The following IL6R variants were observed in gnomAD, a reference collection of about 807,000 sequenced individuals.
IL6R encodes the protein interleukin 6 receptor, also known as interleukin-6 receptor subunit alpha.
A neutral mutation model predicts 48.3 loss-of-function variants in IL6R; 38 were observed. The observed-to-expected ratio is 0.79, with a 90% CI of 0.61 to 1.03. The LOEUF is 1.03. Among genes scored for constraint, IL6R ranks in the 50% least tolerant of loss-of-function variants. The probability of loss-of-function intolerance (pLI) is 0.00; values close to 1 mark genes in which losing one functional copy is unlikely to be tolerated. For synonymous variants in IL6R, 264 were observed against 256.2 expected (o/e 1.03, Z -0.29); for missense variants, 534 against 618.3 (o/e 0.86, Z 1.45).
intron 6 of IL6R, among the ~76,000 whole-genome samples, chr1:154,447,496 C>T (rs1263150147): frequency 4.3e-5 from 3 of 69,024 alleles, no homozygotes; most frequent in South Asian, 3.3e-4. Flanking sequence ...CACACACACA[C>T]ACACACATAT....
chr1:154,450,198 T>A (rs1464691392), intron 8 of IL6R, among the ~76,000 whole-genome samples: 1 of 151,356 alleles, frequency 6.6e-6, no homozygotes, highest in Non-Finnish European at 1.5e-5. Flanking sequence ...TGATCTCGGC[T>A]CACCACAACC....
intron 8 of IL6R, among the ~76,000 whole-genome samples, chr1:154,450,491 C>T (rs1055806290): frequency 1.3e-5 from 2 of 151,908 alleles, no homozygotes; most frequent in African/African-American, 2.4e-5. Context: ...ATGAGGAGAC[C>T]GTAAGAAAAG....
chr1:154,418,809 G>A (rs754289011), intron 1 of IL6R, among the ~76,000 whole-genome samples: 3 of 152,178 alleles, frequency 2.0e-5, no homozygotes, highest in Non-Finnish European at 2.9e-5. Flanking sequence ...GGGAGAGAAA[G>A]GCCAAGGGCA....
At chr1:154,435,814 A>T (rs563252642) in intron 5 of IL6R, among the ~76,000 whole-genome samples, 155 bp from the exon 6 acceptor site, 1 of 152,202 alleles carries the variant, frequency 6.6e-6, no homozygotes, top group East Asian at 1.9e-4. Context: ...CCTGAGGGCA[A>T]CCCCCTCTCT....
chr1:154,425,727 T>C (rs975676338), intron 1 of IL6R, among the ~76,000 whole-genome samples: 3 of 151,650 alleles, frequency 2.0e-5, no homozygotes, highest in East Asian at 1.9e-4. Flanking sequence ...TGAACCATGA[T>C]TGTGCCACTG....
Position 154,414,827 on chromosome 1 carries a change from G to A in IL6R, c.85+9113G>A. 3 of 751,894 alleles carry A rather than the reference G, an allele frequency of 4.0e-6. No individual in the cohort carries two copies. In the South Asian group the frequency reaches 4.3e-5, roughly 11 times the overall value. The allele number at this position is 751,894 out of a possible 1,614,324, so 46.6% of individuals were successfully genotyped here. Reference sequence around the variant, plus strand: ...ACCCGCTTCTGGGACAGCAGGAAGAGGAGATTGAGGCCCAAGAGCTGGTGC... The same window carrying A: ...ACCCGCTTCTGGGACAGCAGGAAGAAGAGATTGAGGCCCAAGAGCTGGTGC... On this transcript the variant is annotated intron_variant, in intron 1 of 9. Coordinates refer to ENST00000368485, the MANE Select transcript of IL6R (RefSeq NM_000565.4).
intron 1 of IL6R, among the ~76,000 whole-genome samples, chr1:154,416,735 G>A (rs1240865906): frequency 1.3e-5 from 2 of 152,184 alleles, no homozygotes; most frequent in African/African-American, 2.4e-5. Context: ...TGATTGGAAT[G>A]CAAGAGTGGG....
Position 154,405,558 on chromosome 1 carries a change from C to A in IL6R, c.-72C>A. On this transcript the variant is annotated 5_prime_UTR_variant, in exon 1 of 10. Coordinates refer to ENST00000368485, the MANE Select transcript of IL6R (RefSeq NM_000565.4). The surrounding 1 kb of genome is among the most constrained non-coding windows in gnomAD (Gnocchi z 5.2). ...GCCCACCGCCCCGCCCCGCCCCTGC[C>A]ACCCCTGCCGCCCGGTTCCCATTAG... 3 of 1,005,938 alleles carry A rather than the reference C, an allele frequency of 3.0e-6. No homozygotes were observed. The highest frequency in any genetic ancestry group is 3.1e-5 in the South Asian group (2 of 65,476). The allele number at this position is 1,005,938 out of a possible 1,614,324, so 62.3% of individuals were successfully genotyped here.
intron 3 of IL6R, among the ~76,000 whole-genome samples, chr1:154,433,591 C>A (rs925417640): frequency 1.3e-5 from 2 of 152,144 alleles, no homozygotes; most frequent in Non-Finnish European, 2.9e-5. Flanking sequence ...CCAGAGCTGG[C>A]CAGCCGACCA....
chr1:154,440,273 A>G (rs752086310), intron 6 of IL6R, among the ~76,000 whole-genome samples: 12 of 152,196 alleles, frequency 7.9e-5, no homozygotes, highest in Non-Finnish European at 1.2e-4. Context: ...TCCATTGTGT[A>G]GAGATACCAC....
chr1:154,411,390 A>T (rs775656041), intron 1 of IL6R, among the ~76,000 whole-genome samples: 16 of 152,134 alleles, frequency 1.1e-4, no homozygotes, highest in Non-Finnish European at 2.1e-4. Flanking sequence ...AGATGCTGAT[A>T]AGGAGTTGGA....
Position 154,435,952 on chromosome 1 carries a change from C to T in IL6R, c.808-17C>T, listed in dbSNP as rs200982917. On this transcript the variant is annotated splice_polypyrimidine_tract_variant and intron_variant, in intron 5 of 9. Coordinates refer to ENST00000368485, the MANE Select transcript of IL6R (RefSeq NM_000565.4). The stretch of plus-strand genomic sequence containing the variant: ...ATCCTGGATACCTCCCCAGAGTCAC[C>T]GTGCCCCCGCCCTCAGGTCAAGGAC... 138 of 1,585,478 alleles carry T rather than the reference C, an allele frequency of 8.7e-5. No homozygotes were observed. Among genetic ancestry groups the T allele is most frequent in the African/African-American group, 7.0e-4 (52 of 74,600 alleles).
intron 1 of IL6R, among the ~76,000 whole-genome samples, chr1:154,422,884 T>G (rs1688755086): frequency 6.6e-6 from 1 of 152,160 alleles, no homozygotes; most frequent in Non-Finnish European, 1.5e-5. Context: ...TCGTGTCTCT[T>G]CCTTTTGGCC....
intron 1 of IL6R, among the ~76,000 whole-genome samples, chr1:154,428,338 G>A (rs940956853): frequency 4.6e-5 from 7 of 152,230 alleles, no homozygotes; most frequent in South Asian, 2.1e-4. Context: ...GGTACTGGAG[G>A]GAGCATGGAA....
intron 6 of IL6R, chr1:154,437,518 A>C (rs1327758909): frequency 4.5e-6 from 2 of 445,174 alleles, no homozygotes; most frequent in Non-Finnish European, 9.1e-6. Flanking sequence ...GGTTCAAGCA[A>C]TCCTCCCGCC....
Position 154,434,586 on chromosome 1 carries a change from T to C in IL6R, c.526T>C (p.Cys176Arg), listed in dbSNP as rs1268743721. 1 of 1,614,152 alleles carries C rather than the reference T, an allele frequency of 6.2e-7. No individual in the cohort carries two copies. The highest frequency in any genetic ancestry group is 8.5e-7 in the Non-Finnish European group (1 of 1,180,020). The change falls in exon 4 of 10, where the codon TGC (cysteine) becomes CGC (arginine). Residue 176 changes from cysteine to arginine, a missense_variant. By Grantham distance (180) the Cys-to-Arg change is radical. Transcript: ENST00000368485. ...TTCCCAGGAGTCCCAGAAGTTCTCC[T>C]GCCAGTTAGCAGTCCCGGAGGGAGA... is the stretch of plus-strand genomic sequence containing the variant. ...QYSQESQKFS[C>R]QLAVPEGDSS...
chr1:154,465,218 G>A lies in IL6R; in HGVS notation c.1245G>A (p.Pro415=), dbSNP rs146099074. 5.0e-5 allele frequency: 80 copies of A among 1,614,186 alleles called. 1 individual carries two copies. The South Asian group carries it at 7.1e-4, about 14-fold the overall frequency. Residue 415 remains proline, a synonymous_variant, in exon 10 of 10, where the codon CCG becomes CCA. Coordinates refer to ENST00000368485, the MANE Select transcript of IL6R (RefSeq NM_000565.4). ...HPPYSLGQLV[P]ERPRPTPVLV... is the part of the protein sequence containing the mutation. ...CGTACTCTTTGGGGCAGCTGGTCCC[G>A]GAGAGGCCTCGACCCACCCCAGTGC...
intron 3 of IL6R, among the ~76,000 whole-genome samples, chr1:154,432,338 T>C (rs559574077): frequency 1.3e-5 from 2 of 152,002 alleles, no homozygotes; most frequent in South Asian, 4.2e-4. Flanking sequence ...CTGTCATTTC[T>C]GACACTTCAA....
chr1:154,430,633 C>A, intron 3 of IL6R, 27 bp downstream of exon 3: 1 of 1,613,890 alleles, frequency 6.2e-7, no homozygotes, highest in Non-Finnish European at 8.5e-7. Context: ...GAGCTATGTG[C>A]ATGTTGGCTC....
Sources: gnomAD v4.1 joint callset for allele counts (sites outside exome capture counted in the v4.1 genomes callset) on GRCh38, gnomAD v4.1.1 for gene constraint, Gnocchi (gnomAD v3.1) non-coding constraint, MANE v1.5 for transcripts, NCBI Gene and HGNC (gene_info 2026-07-23, HGNC 2026-07-21) for gene names.